PSMG2: variants seen among roughly 807,000 people sequenced by gnomAD.
PSMG2 encodes proteasome assembly chaperone 2.
Under a neutral mutation model 31.5 loss-of-function variants are expected in PSMG2, and 21 were observed. The ratio of observed to expected loss-of-function variants is 0.67; its 90% CI spans 0.47 to 0.96. The LOEUF (loss-of-function observed/expected upper bound fraction) is 0.96. Among genes scored for constraint, PSMG2 ranks in the 40% least tolerant of loss-of-function variants. The probability of loss-of-function intolerance (pLI) is 0.00; values close to 1 mark genes in which losing one functional copy is unlikely to be tolerated. For missense variants in PSMG2, 318 were observed against 321.2 expected, an observed-to-expected ratio of 0.99 and a Z score of 0.08; for synonymous variants, 120 against 110.4, an observed-to-expected ratio of 1.09 and a Z score of -0.54.
intron 3 of PSMG2, among the ~76,000 whole-genome samples, chr18:12,714,364 TCA>T (rs2040357761): frequency 6.6e-6 from 1 of 152,206 alleles, no homozygotes; most frequent in Non-Finnish European, 1.5e-5. Flanking sequence ...TCATCCTGTC[TCA>T]GTCTTTCCAC....
chr18:12,701,336 TCAAC>T (rs2040143291), upstream of PSMG2, among the ~76,000 whole-genome samples: 1 of 152,014 alleles, frequency 6.6e-6, no homozygotes, highest in Non-Finnish European at 1.5e-5. Context: ...CAAACAACAC[TCAAC>T]CAAAAGGAAT....
intron 1 of PSMG2, among the ~76,000 whole-genome samples, chr18:12,693,809 G>A (rs577145523): frequency 1.2e-3 from 179 of 152,046 alleles, no homozygotes; most frequent in African/African-American, 4.0e-3. Context: ...AACCCCTCAC[G>A]TATACACATA....
chr18:12,720,669 ACT>A lies in PSMG2; in HGVS notation c.570_571del (p.Tyr191Ter), dbSNP rs2040422536. 3.1e-6 allele frequency: 5 copies of A among 1,608,054 alleles called. No homozygotes were observed. Among genetic ancestry groups the A allele is most frequent in the Non-Finnish European group, 4.2e-6 (5 of 1,178,414 alleles). ...RIPGGGITKTLYDESCSKEIQ... is the reference protein window; with the variant it reads ...RIPGGGITKTXYDESCSKEIQ... ...TTCCGGGAGGAGGTATCACAAAAACACTCTATGATGAAAGGTGAGTTTGTTTG... is the reference window on the plus strand; with the variant it reads ...TTCCGGGAGGAGGTATCACAAAAACACTATGATGAAAGGTGAGTTTGTTTG... On this transcript the variant is annotated frameshift_variant, in exon 5 of 7. Coordinates refer to ENST00000317615, the MANE Select transcript of PSMG2 (RefSeq NM_020232.5). LOFTEE classifies it high-confidence loss of function.
At chr18:12,679,666 A>G (rs1231512946) in intron 1 of PSMG2, among the ~76,000 whole-genome samples, 1 of 152,220 alleles carries the variant, frequency 6.6e-6, no homozygotes, top group African/African-American at 2.4e-5. Flanking sequence ...AAATGTGTCC[A>G]GTGGATTTGC....
chr18:12,713,569 G>A (rs72882932), intron 3 of PSMG2, among the ~76,000 whole-genome samples: 14,039 of 152,164 alleles, frequency 0.092, 983 homozygotes, highest in East Asian at 0.31. Flanking sequence ...GGGCTCATGT[G>A]CCAATTCAGG....
upstream of PSMG2, chr18:12,702,538 G>C: frequency 1.2e-6 from 2 of 1,607,034 alleles, no homozygotes; most frequent in Non-Finnish European, 8.5e-7. Context: ...TTTCTCCGGA[G>C]GCAGCGACAT....
chr18:12,715,279 G>A (rs941619899), intron 3 of PSMG2, among the ~76,000 whole-genome samples: 1 of 152,122 alleles, frequency 6.6e-6, no homozygotes, highest in African/African-American at 2.4e-5. Flanking sequence ...AAAGTAGTGG[G>A]ATTACAGGTG....
chr18:12,676,731 GAAAACATATT>G (rs1439833467), intron 1 of PSMG2, among the ~76,000 whole-genome samples: 2 of 152,194 alleles, frequency 1.3e-5, no homozygotes, highest in Non-Finnish European at 2.9e-5. Context: ...AACTTTTGCT[GAAAACATATT>G]ACAAATGCCA....
chr18:12,669,847 A>C (rs374491327), intron 1 of PSMG2, among the ~76,000 whole-genome samples: 1 of 151,878 alleles, frequency 6.6e-6, no homozygotes, highest in Non-Finnish European at 1.5e-5. Context: ...CTTAAAAAAA[A>C]TTAGCCAAGT....
chr18:12,659,238 C>G (rs757040176), intron 1 of PSMG2, among the ~76,000 whole-genome samples: 2 of 150,874 alleles, frequency 1.3e-5, no homozygotes, highest in African/African-American at 4.9e-5. Context: ...ATCACGCTCT[C>G]AACAATTGCA....
At chr18:12,694,031 C>G (rs1458066075) in intron 1 of PSMG2, among the ~76,000 whole-genome samples, 1 of 152,098 alleles carries the variant, frequency 6.6e-6, no homozygotes, top group Non-Finnish European at 1.5e-5. Context: ...CAGGGTCTCA[C>G]TATGTTGCCC....
chr18:12,712,849 G>C (rs2040344141), intron 3 of PSMG2, 89 bp downstream of exon 3: 1 of 992,802 alleles, frequency 1.0e-6, no homozygotes, highest in Non-Finnish European at 1.6e-6. Context: ...AATTACTACT[G>C]TTTTTACCAT....
chr18:12,678,366 TTGTTCGATATGGGTA>T, intron 1 of PSMG2: 1 of 1,614,102 alleles, frequency 6.2e-7, no homozygotes, highest in Non-Finnish European at 8.5e-7. Context: ...ACACAACCAA[TTGTTCGATATGGGTA>T]CAGTGGTTTG....
Position 12,695,652 on chromosome 18 carries a change from A to G in PSMG2, c.-36-10898A>G, listed in dbSNP as rs138189213. On this transcript the variant is annotated intron_variant, in intron 1 of 6. Coordinates refer to the PSMG2 transcript ENST00000585331. ...TCTTAAACTCCAGGGCTCAAGTGAT[A>G]TTCCTGCCTCAGCCTTCCAAAGTGC... Among the ~76,000 whole-genome samples, 1,259 of 152,162 alleles carry G rather than the reference A, an allele frequency of 8.3e-3. 16 individuals carry two copies. Among genetic ancestry groups the G allele is most frequent in the African/African-American group, 0.028 (1,178 of 41,500 alleles).
chr18:12,701,048 A>C (rs978101237), upstream of PSMG2: 2 of 1,613,660 alleles, frequency 1.2e-6, no homozygotes, highest in African/African-American at 2.7e-5. Flanking sequence ...AATGCTGTTG[A>C]TCAGGTGCCA....
intron 1 of PSMG2, chr18:12,685,974 A>G (rs190146029): frequency 2.0e-5 from 5 of 244,488 alleles, no homozygotes; most frequent in Non-Finnish European, 4.0e-5. Context: ...ACATCCTCCT[A>G]TATACTTTAA....
rs749997162 is a variant in PSMG2 at position 12,718,606 on chromosome 18, A to C, written c.378A>C (p.Ser126=). Reference sequence around the variant, plus strand: ...TCATTGTTCTTTCAAGCAGTCATTCATATCAGCGTAATGATCTGCAGCTTC... The same window carrying C: ...TCATTGTTCTTTCAAGCAGTCATTCCTATCAGCGTAATGATCTGCAGCTTC... The part of the protein sequence containing the change: ...ARVIVLSSSH[S]YQRNDLQLRS... Residue 126 remains serine, a synonymous_variant, in exon 4 of 7, where the codon TCA becomes TCC. Transcript: ENST00000317615. The C allele has an allele frequency of 8.1e-6, 13 of 1,608,878 alleles. No homozygotes were observed. Among genetic ancestry groups the C allele is most frequent in the Non-Finnish European group, 1.1e-5 (13 of 1,176,442 alleles).
At chr18:12,671,587 C>CT (rs975871671) in intron 1 of PSMG2, among the ~76,000 whole-genome samples, 1 of 142,494 alleles carries the variant, frequency 7.0e-6, no homozygotes, top group Non-Finnish European at 1.5e-5. Flanking sequence ...TCACTTAACA[C>CT]TTTTTTTAAT....
upstream of PSMG2, among the ~76,000 whole-genome samples, chr18:12,698,164 ATATT>A (rs1568032747): frequency 5.8e-5 from 8 of 137,412 alleles, no homozygotes; most frequent in South Asian, 4.1e-4. Context: ...TATTTTATTT[ATATT>A]TATTTGTAAG....
Sources: allele counts gnomAD v4.1 joint callset (sites outside exome capture counted in the v4.1 genomes callset), GRCh38; gene constraint gnomAD v4.1.1; transcripts MANE v1.5; gene names NCBI Gene and HGNC (gene_info 2026-07-23, HGNC 2026-07-21).